The following CACNA2D1 variants were observed in gnomAD, a reference collection of about 807,000 sequenced individuals.
CACNA2D1 encodes the protein calcium voltage-gated channel auxiliary subunit alpha2delta 1, also known as voltage-dependent calcium channel subunit alpha-2/delta-1.
CACNA2D1 carries 53 observed loss-of-function variants against 171.5 expected under a neutral mutation model. The observed-to-expected ratio is 0.31, with a 90% CI of 0.25 to 0.39. The LOEUF (loss-of-function observed/expected upper bound fraction) is 0.39. CACNA2D1 is among the 10% of genes least tolerant of loss of function. The probability of loss-of-function intolerance (pLI) is 1.00; values close to 1 mark genes in which losing one functional copy is unlikely to be tolerated. For synonymous variants in CACNA2D1, 442 were observed against 443.1 expected, an observed-to-expected ratio of 1.00 and a Z score of 0.03; for missense variants, 903 against 1,299.8, an observed-to-expected ratio of 0.69 and a Z score of 4.69.
intron 10 of CACNA2D1, among the ~76,000 whole-genome samples, chr7:82,056,511 G>A (rs529668348): frequency 6.6e-6 from 1 of 152,098 alleles, no homozygotes; most frequent in African/African-American, 2.4e-5. Flanking sequence ...CAACTGTACT[G>A]CTTGCAAAAT....
At chr7:82,225,677 T>C (rs1046362141) in intron 3 of CACNA2D1, among the ~76,000 whole-genome samples, 3 of 151,994 alleles carry the variant, frequency 2.0e-5, no homozygotes, top group Non-Finnish European at 2.9e-5. Context: ...CTTTTCTTTT[T>C]GGGACGAAGC....
At position 81,949,064 on chromosome 7, in the gene CACNA2D1, C is replaced by T. The variant is rs1403205531; in HGVS notation, c.*1328G>A. ...TGGAAATTTTGGCCAAACGATCATA[C>T]CATTTAAAATGGAAGGGCAAAAGCA... On this transcript the variant is annotated 3_prime_UTR_variant, in exon 39 of 39. Transcript: ENST00000356860. The T allele has an allele frequency of 6.6e-6, 1 of 151,902 alleles. No individual in the cohort carries two copies. The highest frequency in any genetic ancestry group is 2.4e-5 in the African/African-American group (1 of 41,394). 9.4% of individuals were successfully genotyped at this position (151,902 alleles called of 1,614,324 possible).
chr7:81,952,655 G>A (rs867366949), intron 38 of CACNA2D1, among the ~76,000 whole-genome samples: 6 of 151,910 alleles, frequency 3.9e-5, no homozygotes, highest in African/African-American at 1.2e-4. Context: ...TCCTTGGCTT[G>A]ACCTCCTTTC....
chr7:82,332,248 C>T (rs1817394903), intron 3 of CACNA2D1, among the ~76,000 whole-genome samples: 2 of 151,750 alleles, frequency 1.3e-5, no homozygotes, highest in Non-Finnish European at 2.9e-5. Context: ...TTTTAGTAAA[C>T]ACGGGGTTTC....
At chr7:82,095,800 A>T (rs947546161) in intron 6 of CACNA2D1, among the ~76,000 whole-genome samples, 3 of 152,208 alleles carry the variant, frequency 2.0e-5, no homozygotes, top group Admixed American at 1.3e-4. Flanking sequence ...TCCTTCAACC[A>T]ACAATGATAG....
At chr7:82,415,009 G>C (rs1019215697) in intron 1 of CACNA2D1, among the ~76,000 whole-genome samples, 1 of 152,098 alleles carries the variant, frequency 6.6e-6, no homozygotes, top group African/African-American at 2.4e-5. Context: ...TTCTAAATTA[G>C]CTCCCTTTTT....
chr7:81,961,245 C>T (rs113251465), intron 36 of CACNA2D1, among the ~76,000 whole-genome samples: 367 of 152,006 alleles, frequency 2.4e-3, no homozygotes, highest in Middle Eastern at 0.014. Context: ...CCTCAAAATC[C>T]CCATCTTGCC....
At chr7:82,266,930 T>C in intron 3 of CACNA2D1, among the ~76,000 whole-genome samples, 1 of 152,340 alleles carries the variant, frequency 6.6e-6, no homozygotes. Context: ...GATTTGCTTG[T>C]CATATCCATT....
At chr7:82,180,564 G>A (rs115577542) in intron 3 of CACNA2D1, among the ~76,000 whole-genome samples, 1,866 of 152,082 alleles carry the variant, frequency 0.012, 39 homozygotes, top group African/African-American at 0.042. Context: ...TTGTTGTTAC[G>A]GTTTCTAATT....
intron 3 of CACNA2D1, among the ~76,000 whole-genome samples, chr7:82,260,443 A>G (rs561175617): frequency 6.6e-6 from 1 of 152,336 alleles, no homozygotes; most frequent in South Asian, 2.1e-4. Flanking sequence ...GATTTCCTTG[A>G]GGAGTAATGC....
At chr7:82,165,753 A>G (rs1157857125) in intron 4 of CACNA2D1, among the ~76,000 whole-genome samples, 1 of 152,068 alleles carries the variant, frequency 6.6e-6, no homozygotes, top group African/African-American at 2.4e-5. Flanking sequence ...CCGTAACAAA[A>G]AATTGTTTCC....
chr7:82,175,631 ACAAT>A (rs906085664), intron 3 of CACNA2D1, among the ~76,000 whole-genome samples: 2 of 152,212 alleles, frequency 1.3e-5, no homozygotes, highest in East Asian at 1.9e-4. Flanking sequence ...GCCTACAGAT[ACAAT>A]CAATTACTTT....
intron 12 of CACNA2D1, among the ~76,000 whole-genome samples, chr7:82,030,568 C>T (rs906597678): frequency 1.3e-5 from 2 of 151,636 alleles, no homozygotes; most frequent in Non-Finnish European, 2.9e-5. Flanking sequence ...AAATTCATTG[C>T]CATCTTTGAG....
intron 3 of CACNA2D1, among the ~76,000 whole-genome samples, chr7:82,200,461 TA>T (rs1799295599): frequency 6.6e-6 from 1 of 152,150 alleles, no homozygotes; most frequent in African/African-American, 2.4e-5. Context: ...ATTTCTATCT[TA>T]AAAAAGAATA....
intron 3 of CACNA2D1, among the ~76,000 whole-genome samples, chr7:82,328,095 G>A (rs17156126): frequency 0.09 from 13,640 of 152,040 alleles, 994 homozygotes; most frequent in African/African-American, 0.19. Context: ...TAAACATGTC[G>A]AGCCTTAGCA....
intron 1 of CACNA2D1, among the ~76,000 whole-genome samples, chr7:82,419,013 G>A (rs1828451223): frequency 6.6e-6 from 1 of 152,020 alleles, no homozygotes; most frequent in South Asian, 2.1e-4. Flanking sequence ...GGGAGGCTGA[G>A]GCAGGAGAAT....
rs1437092174 is a variant in CACNA2D1, at chr7:82,180,524, T to C, written c.295-9915A>G. 2.0e-5 allele frequency among the ~76,000 whole-genome samples: 3 copies of C among 152,240 alleles called. No homozygotes were observed. In the East Asian group the frequency reaches 5.8e-4, roughly 29 times the overall value. ...CAATTAGGGCAAAATCTCAGACCCT[T>C]TACATTTCTTGACACCCATGTTGTA... On this transcript the variant is annotated intron_variant, in intron 3 of 38. Coordinates refer to ENST00000356860, the MANE Select transcript of CACNA2D1 (RefSeq NM_000722.4).
At chr7:82,025,563 G>T (rs1021141367) in intron 12 of CACNA2D1, among the ~76,000 whole-genome samples, 1 of 151,538 alleles carries the variant, frequency 6.6e-6, no homozygotes, top group East Asian at 1.9e-4. Context: ...AAGTCCTTTA[G>T]TGTCTTCTAT....
chr7:82,338,785 T>C (rs1327399754), intron 2 of CACNA2D1, among the ~76,000 whole-genome samples: 1 of 152,178 alleles, frequency 6.6e-6, no homozygotes, highest in African/African-American at 2.4e-5. Flanking sequence ...TTCCTTGGCT[T>C]CAGCAGGACA....
Sources: allele counts gnomAD v4.1 joint callset (sites outside exome capture counted in the v4.1 genomes callset), GRCh38; gene constraint gnomAD v4.1.1; transcripts MANE v1.5; gene names NCBI Gene and HGNC (gene_info 2026-07-23, HGNC 2026-07-21).